PKIG: variants seen among roughly 807,000 people sequenced by gnomAD.
PKIG encodes the protein protein kinase (cAMP-dependent, catalytic) inhibitor gamma.
PKIG carries 1 observed loss-of-function variant against 6.8 expected under a neutral mutation model. That is an observed-to-expected ratio of 0.15 (90% CI 0.05 to 0.69). The LOEUF is 0.69. PKIG is among the 30% of genes least tolerant of loss of function. The pLI is 0.82. For synonymous variants in PKIG, 39 were observed against 43.0 expected, an observed-to-expected ratio of 0.91 and a Z score of 0.36; for missense variants, 77 against 104.0, an observed-to-expected ratio of 0.74 and a Z score of 1.13.
chr20:44,555,525 G>A (rs2064705418), intron 1 of PKIG, among the ~76,000 whole-genome samples: 1 of 152,230 alleles, frequency 6.6e-6, no homozygotes, highest in East Asian at 1.9e-4. Context: ...CCATCCTGTT[G>A]GCTTTAGATA....
chr20:44,610,500 T>TCACA (rs559846553), intron 2 of PKIG, among the ~76,000 whole-genome samples: 2,089 of 135,490 alleles, frequency 0.015, 51 homozygotes, highest in African/African-American at 0.055. Context: ...TCTCTCTCTC[T>TCACA]CACACACACA....
intron 1 of PKIG, among the ~76,000 whole-genome samples, chr20:44,549,481 G>A (rs1337555486): frequency 1.3e-5 from 2 of 152,112 alleles, no homozygotes; most frequent in Non-Finnish European, 2.9e-5. Flanking sequence ...ATCATCTCCA[G>A]TAGTCATCCA....
At chr20:44,603,022 C>T (rs1056012723) in intron 2 of PKIG, among the ~76,000 whole-genome samples, 5 of 152,080 alleles carry the variant, frequency 3.3e-5, no homozygotes, top group African/African-American at 1.2e-4. Context: ...CTCTTCTTTC[C>T]CTGTAATCTA....
At chr20:44,557,520 CAAAAAAAA>C (rs3091847) in intron 1 of PKIG, among the ~76,000 whole-genome samples, 3 of 63,548 alleles carry the variant, frequency 4.7e-5, no homozygotes, top group Non-Finnish European at 9.7e-5. Context: ...TGACAGGTGA[CAAAAAAAA>C]AAAAAAAAAA....
chr20:44,565,839 T>A (rs987738732), intron 1 of PKIG, among the ~76,000 whole-genome samples: 1 of 152,186 alleles, frequency 6.6e-6, no homozygotes. Context: ...CTCGGCTCAC[T>A]ACAACCTCCG....
chr20:44,554,838 C>T (rs904549273), intron 1 of PKIG, among the ~76,000 whole-genome samples: 3 of 152,062 alleles, frequency 2.0e-5, no homozygotes, highest in East Asian at 3.9e-4. Flanking sequence ...GGGCAGGGGG[C>T]GTGGGGGCAC....
intron 1 of PKIG, among the ~76,000 whole-genome samples, chr20:44,585,623 G>A (rs1220212147): frequency 6.6e-6 from 1 of 152,244 alleles, no homozygotes; most frequent in Non-Finnish European, 1.5e-5. Flanking sequence ...CCATACTGCA[G>A]TGCCTTTTTC....
intron 1 of PKIG, among the ~76,000 whole-genome samples, chr20:44,550,126 C>A (rs1024650828): frequency 6.8e-6 from 1 of 148,028 alleles, no homozygotes; most frequent in Non-Finnish European, 1.5e-5. Flanking sequence ...TAGTGAGCAT[C>A]TAGTATGTGC....
intron 1 of PKIG, among the ~76,000 whole-genome samples, chr20:44,588,649 A>G (rs1033404178): frequency 1.3e-5 from 2 of 152,178 alleles, no homozygotes; most frequent in Non-Finnish European, 2.9e-5. Flanking sequence ...CAAAAAAAAA[A>G]AAAGAAATGG....
chr20:44,539,117 CAG>C (rs2064537657), intron 1 of PKIG, among the ~76,000 whole-genome samples: 1 of 152,110 alleles, frequency 6.6e-6, no homozygotes, highest in African/African-American at 2.4e-5. Flanking sequence ...TTAGTAGAGA[CAG>C]GGTTTCACTA....
chr20:44,596,357 C>G (rs1240332187), intron 2 of PKIG, among the ~76,000 whole-genome samples: 1 of 152,246 alleles, frequency 6.6e-6, no homozygotes, highest in Non-Finnish European at 1.5e-5. Flanking sequence ...GCTAAAGGGC[C>G]TACGCCCCAG....
At chr20:44,604,367 G>A (rs767123318) in intron 2 of PKIG, among the ~76,000 whole-genome samples, 6 of 152,176 alleles carry the variant, frequency 3.9e-5, no homozygotes, top group Admixed American at 6.5e-5. Context: ...GATATCCTCC[G>A]GGAGGATTCA....
chr20:44,549,509 A>C (rs547662530), intron 1 of PKIG, among the ~76,000 whole-genome samples: 1 of 152,310 alleles, frequency 6.6e-6, no homozygotes, highest in East Asian at 1.9e-4. Flanking sequence ...TTGTACTAGA[A>C]GATGTGTTAC....
In PKIG at chr20:44,551,986, G is replaced by A. The variant is rs574681962; in HGVS notation, c.-241+20008G>A. Among the ~76,000 whole-genome samples, 138 of 152,260 alleles carry A rather than the reference G, an allele frequency of 9.1e-4. 1 individual carries two copies. Among genetic ancestry groups the A allele is most frequent in the Non-Finnish European group, 1.8e-3 (122 of 68,020 alleles). ...CTCCCCGTGTATTGGAATCGGCTAGGAAATATTCGTAATTGCTACACTTTT... is the reference window on the plus strand; with the variant it reads ...CTCCCCGTGTATTGGAATCGGCTAGAAAATATTCGTAATTGCTACACTTTT... On this transcript the variant is annotated intron_variant, in intron 1 of 4. Transcript: ENST00000372887.
At chr20:44,562,554 A>G (rs1263983591) in intron 1 of PKIG, among the ~76,000 whole-genome samples, 3 of 145,286 alleles carry the variant, frequency 2.1e-5, no homozygotes, top group Admixed American at 7.2e-5. Context: ...GTGAGCCTAG[A>G]TCGTGCCACT....
In PKIG at chr20:44,613,957, C is replaced by T. The variant is rs554710705; in HGVS notation, c.-23-577C>T. Reference sequence around the variant, plus strand: ...TCTGTCCTTCCAAGCCCTCATGCCTCCCTCCCTCAGAGCCTTCACACATGC... The same window carrying T: ...TCTGTCCTTCCAAGCCCTCATGCCTTCCTCCCTCAGAGCCTTCACACATGC... On this transcript the variant is annotated intron_variant, in intron 2 of 3. Coordinates refer to ENST00000372886, the MANE Select transcript of PKIG (RefSeq NM_001281445.2). Among the ~76,000 whole-genome samples, 4 of 152,168 alleles carry T rather than the reference C, an allele frequency of 2.6e-5. No individual in the cohort carries two copies. The South Asian group carries it at 6.2e-4, about 24-fold the overall frequency.
At chr20:44,603,837 A>T (rs1230595430) in intron 2 of PKIG, among the ~76,000 whole-genome samples, 1 of 152,190 alleles carries the variant, frequency 6.6e-6, no homozygotes, top group Admixed American at 6.5e-5. Flanking sequence ...GAGAGAAAAG[A>T]CTGTAGACCC....
At chr20:44,613,465 C>T (rs181819447) in intron 2 of PKIG, among the ~76,000 whole-genome samples, 200 of 152,296 alleles carry the variant, frequency 1.3e-3, no homozygotes, top group Non-Finnish European at 2.2e-3. Flanking sequence ...GTTCCATGTA[C>T]CTAGCCTACC....
rs2065251384 is a variant in PKIG at position 44,614,952 on chromosome 20, A to G, written c.151+245A>G. Among the ~76,000 whole-genome samples, 2 of 152,052 alleles carry G rather than the reference A, an allele frequency of 1.3e-5. No homozygotes were observed. The highest frequency in any genetic ancestry group is 4.1e-4 in the South Asian group (2 of 4,822). ...TTCCTGTCCCCCTGCCCCCTAGCCCAGGTCCCTCCACTTCTCGCTATCCCC... is the reference window on the plus strand; with the variant it reads ...TTCCTGTCCCCCTGCCCCCTAGCCCGGGTCCCTCCACTTCTCGCTATCCCC... On this transcript the variant is annotated intron_variant, in intron 3 of 3. Coordinates refer to ENST00000372886, the MANE Select transcript of PKIG (RefSeq NM_001281445.2). This position sits in a 1 kb window ranked among gnomAD's most constrained non-coding sequence, Gnocchi z 4.6.
Sources: gnomAD v4.1 joint callset for allele counts (sites outside exome capture counted in the v4.1 genomes callset) on GRCh38, gnomAD v4.1.1 for gene constraint, Gnocchi (gnomAD v3.1) non-coding constraint, MANE v1.5 for transcripts, NCBI Gene and HGNC (gene_info 2026-07-23, HGNC 2026-07-21) for gene names.